Variants in LMX1A observed in about 807,000 individuals in gnomAD.
LMX1A encodes the protein LIM homeobox transcription factor 1 alpha.
In LMX1A, 15 loss-of-function variants were observed where a neutral mutation model predicts 49.1. The ratio of observed to expected loss-of-function variants is 0.31; its 90% CI spans 0.20 to 0.47. The LOEUF is 0.47. Ranked by LOEUF, LMX1A falls within the 20% of genes least tolerant of loss-of-function variation. The probability of loss-of-function intolerance (pLI) is 1.00; values close to 1 mark genes in which losing one functional copy is unlikely to be tolerated. For missense variants in LMX1A, 372 were observed against 475.8 expected, an observed-to-expected ratio of 0.78 and a Z score of 2.03; for synonymous variants, 167 against 185.7, an observed-to-expected ratio of 0.90 and a Z score of 0.82.
chr1:165,354,351 A>G (rs570767696), intron 2 of LMX1A, among the ~76,000 whole-genome samples: 3 of 151,836 alleles, frequency 2.0e-5, no homozygotes, highest in African/African-American at 4.8e-5. Flanking sequence ...TTACAATTCT[A>G]TTTTCTTTCG....
At chr1:165,265,199 G>A (rs576737485) in intron 3 of LMX1A, among the ~76,000 whole-genome samples, 1 of 134,856 alleles carries the variant, frequency 7.4e-6, no homozygotes, top group East Asian at 2.1e-4. Flanking sequence ...GAGCGACTCT[G>A]TCTCAAAAAA....
intron 4 of LMX1A, among the ~76,000 whole-genome samples, chr1:165,245,887 C>G (rs763980899): frequency 1.1e-4 from 17 of 151,948 alleles, no homozygotes; most frequent in Non-Finnish European, 2.2e-4. Flanking sequence ...CACTGCCACA[C>G]CAGCCTTCCC....
chr1:165,343,876 T>C (rs1273946500), intron 3 of LMX1A, among the ~76,000 whole-genome samples: 1 of 152,236 alleles, frequency 6.6e-6, no homozygotes, highest in Non-Finnish European at 1.5e-5. Flanking sequence ...TAGTCATTCC[T>C]TTGACTGAAC....
At chr1:165,290,187 G>A (rs574707989) in intron 3 of LMX1A, among the ~76,000 whole-genome samples, 43 of 152,226 alleles carry the variant, frequency 2.8e-4, no homozygotes, top group African/African-American at 1.0e-3. Context: ...ATTTCTTATG[G>A]TCACTGTAAC....
chr1:165,318,697 C>G lies in LMX1A; in HGVS notation c.263+34379G>C, dbSNP rs144740760. Among the ~76,000 whole-genome samples the G allele has an allele frequency of 8.5e-5, 13 of 152,108 alleles. No homozygotes were observed. In the East Asian group the frequency reaches 2.3e-3, roughly 27 times the overall value. On this transcript the variant is annotated intron_variant, in intron 3 of 8. Transcript: ENST00000342310. Reference sequence around the variant, plus strand: ...CTAGTGTGATTCTTTGGCCTTTTACCCTTCACCTTTTGGCCCTACACTCTT... The same window carrying G: ...CTAGTGTGATTCTTTGGCCTTTTACGCTTCACCTTTTGGCCCTACACTCTT...
intron 3 of LMX1A, among the ~76,000 whole-genome samples, chr1:165,293,143 A>C (rs1233273936): frequency 1.4e-5 from 2 of 147,594 alleles, no homozygotes; most frequent in African/African-American, 5.0e-5. Context: ...AAAACAAAAC[A>C]AAAAAAAAAC....
intron 3 of LMX1A, among the ~76,000 whole-genome samples, chr1:165,296,094 T>C (rs1039429282): frequency 6.6e-6 from 1 of 152,174 alleles, no homozygotes; most frequent in African/African-American, 2.4e-5. Flanking sequence ...ATCAAACTAG[T>C]TATATTTCCC....
At chr1:165,232,089 C>T (rs10918140) in intron 4 of LMX1A, among the ~76,000 whole-genome samples, 15,097 of 152,214 alleles carry the variant, frequency 0.099, 1,007 homozygotes, top group Non-Finnish European at 0.15. Flanking sequence ...AAGTGAAGTA[C>T]CGGGTTGGAG....
chr1:165,352,056 T>G (rs1656445197), intron 3 of LMX1A, among the ~76,000 whole-genome samples: 1 of 152,234 alleles, frequency 6.6e-6, no homozygotes, highest in African/African-American at 2.4e-5. Flanking sequence ...GATCAGCCAC[T>G]TTTCTTCAAT....
At chr1:165,211,850 G>A (rs1262795451) in intron 5 of LMX1A, among the ~76,000 whole-genome samples, 1 of 151,996 alleles carries the variant, frequency 6.6e-6, no homozygotes, top group Non-Finnish European at 1.5e-5. Context: ...TTGCTTCCTG[G>A]CTTCCCCTCT....
chr1:165,230,583 A>G (rs1228725288), intron 4 of LMX1A, among the ~76,000 whole-genome samples: 2 of 152,198 alleles, frequency 1.3e-5, no homozygotes, highest in Non-Finnish European at 2.9e-5. Context: ...TTGCTCACAA[A>G]TCTCTACATG....
intron 3 of LMX1A, among the ~76,000 whole-genome samples, chr1:165,262,224 C>T (rs139095871): frequency 1.9e-4 from 29 of 152,210 alleles, no homozygotes; most frequent in Admixed American, 6.5e-4. Context: ...GTGAGGAAAG[C>T]GCTAGAAAAG....
At chr1:165,332,135 G>C (rs892048030) in intron 3 of LMX1A, among the ~76,000 whole-genome samples, 1 of 152,092 alleles carries the variant, frequency 6.6e-6, no homozygotes, top group African/African-American at 2.4e-5. Context: ...ATAATGTGAA[G>C]AGGTATAGGT....
intron 7 of LMX1A, 25 bp from the exon 8 acceptor site, chr1:165,206,059 T>A: frequency 9.9e-6 from 15 of 1,511,802 alleles, no homozygotes; most frequent in Non-Finnish European, 1.3e-5. Context: ...AGAAGCCAGG[T>A]CATTCTCAAC....
intron 3 of LMX1A, among the ~76,000 whole-genome samples, chr1:165,336,810 A>G (rs1417403552): frequency 6.6e-6 from 1 of 152,226 alleles, no homozygotes; most frequent in Non-Finnish European, 1.5e-5. Flanking sequence ...TGTGAGCGAA[A>G]CAATAATCCT....
chr1:165,323,279 C>T (rs2101745824), intron 3 of LMX1A, among the ~76,000 whole-genome samples: 1 of 152,268 alleles, frequency 6.6e-6, no homozygotes, highest in Non-Finnish European at 1.5e-5. Flanking sequence ...TACAGAAATG[C>T]TTCATGAATT....
intron 4 of LMX1A, among the ~76,000 whole-genome samples, chr1:165,214,726 G>C (rs76044188): frequency 0.03 from 4,582 of 152,284 alleles, 224 homozygotes; most frequent in African/African-American, 0.1. Flanking sequence ...TAGATTACCT[G>C]CCAGTACAGA....
chr1:165,275,570 C>T (rs1653939761), intron 3 of LMX1A, among the ~76,000 whole-genome samples: 1 of 152,218 alleles, frequency 6.6e-6, no homozygotes, highest in South Asian at 2.1e-4. Flanking sequence ...CAATTACACT[C>T]TGTTGCCCCC....
intron 4 of LMX1A, among the ~76,000 whole-genome samples, chr1:165,228,841 G>A (rs771746111): frequency 6.6e-6 from 1 of 152,132 alleles, no homozygotes; most frequent in Non-Finnish European, 1.5e-5. Context: ...GGCCAGAAAT[G>A]ACTTTAAAGG....
Sources: gnomAD v4.1 joint callset for allele counts (sites outside exome capture counted in the v4.1 genomes callset) on GRCh38, gnomAD v4.1.1 for gene constraint, MANE v1.5 for transcripts, NCBI Gene and HGNC (gene_info 2026-07-23, HGNC 2026-07-21) for gene names.